TMEM117: variants seen among roughly 807,000 people sequenced by gnomAD.
The protein encoded by TMEM117 is transmembrane protein 117.
In TMEM117, 27 loss-of-function variants were observed where a neutral mutation model predicts 52.4. The observed-to-expected ratio is 0.51, with a 90% CI of 0.38 to 0.71. The LOEUF is 0.71. Among genes scored for constraint, TMEM117 ranks in the 30% least tolerant of loss-of-function variants. The pLI, the probability that TMEM117 is intolerant of heterozygous loss-of-function variation, is 0.00. For synonymous variants in TMEM117, 215 were observed against 206.3 expected, an observed-to-expected ratio of 1.04 and a Z score of -0.36; for missense variants, 556 against 630.5, an observed-to-expected ratio of 0.88 and a Z score of 1.26.
chr12:43,937,267 G>A (rs1040780915), intron 2 of TMEM117, among the ~76,000 whole-genome samples: 4 of 152,200 alleles, frequency 2.6e-5, no homozygotes, highest in Non-Finnish European at 2.9e-5. Context: ...GGAGCTTTGA[G>A]ATGAAATTTG....
At chr12:44,232,467 A>T (rs1396243184) in intron 5 of TMEM117, among the ~76,000 whole-genome samples, 1 of 151,528 alleles carries the variant, frequency 6.6e-6, no homozygotes, top group East Asian at 1.9e-4. Context: ...CAGTACCAAT[A>T]TCACATTCTC....
chr12:43,940,629 A>G (rs1354703162), intron 2 of TMEM117, among the ~76,000 whole-genome samples: 1 of 151,426 alleles, frequency 6.6e-6, no homozygotes, highest in East Asian at 1.9e-4. Flanking sequence ...GCAACCTCCA[A>G]CTCCCGGGTT....
intron 3 of TMEM117, among the ~76,000 whole-genome samples, chr12:43,974,021 C>T (rs748958277): frequency 6.6e-6 from 1 of 152,150 alleles, no homozygotes; most frequent in Non-Finnish European, 1.5e-5. Context: ...TTACTTGGCT[C>T]TTTCTGCAAA....
chr12:43,859,592 T>C (rs941398581), intron 2 of TMEM117, among the ~76,000 whole-genome samples: 5 of 151,878 alleles, frequency 3.3e-5, no homozygotes, highest in Non-Finnish European at 7.4e-5. Flanking sequence ...CATAGGAAAA[T>C]GCATGCAGGC....
intron 6 of TMEM117, among the ~76,000 whole-genome samples, chr12:44,365,891 T>A (rs1214147506): frequency 2.0e-5 from 3 of 152,036 alleles, no homozygotes; most frequent in Non-Finnish European, 4.4e-5. Context: ...TATTGGAATA[T>A]AGTTCAGGGG....
intron 6 of TMEM117, among the ~76,000 whole-genome samples, chr12:44,305,724 T>G (rs1180054933): frequency 6.6e-6 from 1 of 152,206 alleles, no homozygotes; most frequent in East Asian, 1.9e-4. Flanking sequence ...TGTAAATTGT[T>G]CAACCACTGT....
chr12:44,072,387 C>A (rs1489487548), intron 3 of TMEM117, among the ~76,000 whole-genome samples: 11 of 152,180 alleles, frequency 7.2e-5, no homozygotes, highest in Non-Finnish European at 8.8e-5. Context: ...CCGTTCCTCT[C>A]TCTCTGCCTG....
upstream of TMEM117, among the ~76,000 whole-genome samples, chr12:43,831,182 T>C (rs756709879): frequency 6.6e-6 from 1 of 152,230 alleles, no homozygotes; most frequent in Non-Finnish European, 1.5e-5. Flanking sequence ...TTCTTGCCTC[T>C]TTGGCAATAA....
At chr12:43,856,579 A>G (rs1408575046) in intron 2 of TMEM117, among the ~76,000 whole-genome samples, 2 of 152,182 alleles carry the variant, frequency 1.3e-5, no homozygotes, top group Admixed American at 6.5e-5. Flanking sequence ...ATTAGTTTGC[A>G]TTGTCTAGAA....
At position 44,030,197 on chromosome 12, in the gene TMEM117, C is replaced by CA. The variant is rs780159611; in HGVS notation, c.410+85860dup. The stretch of plus-strand genomic sequence containing the variant: ...ATTATTGGTAAAATAAAAATATCTT[C>CA]AAAAATGTAAACATTTGGTCTAAGT... On this transcript the variant is annotated intron_variant, in intron 3 of 7. Transcript: ENST00000266534. Among the ~76,000 whole-genome samples, 6 of 152,124 alleles carry CA rather than the reference C, an allele frequency of 3.9e-5. No homozygotes were observed. The East Asian group carries it at 1.2e-3, about 29-fold the overall frequency.
chr12:43,936,594 T>G (rs977356832), intron 2 of TMEM117, among the ~76,000 whole-genome samples: 3 of 152,064 alleles, frequency 2.0e-5, no homozygotes, highest in African/African-American at 7.2e-5. Context: ...ATGGGGTAAT[T>G]GGAAGAAGGG....
intron 5 of TMEM117, among the ~76,000 whole-genome samples, chr12:44,292,240 T>C (rs776045345): frequency 1.1e-4 from 16 of 152,070 alleles, no homozygotes; most frequent in Non-Finnish European, 2.1e-4. Context: ...TCCAATTTGT[T>C]GGAATATTAT....
At chr12:43,958,419 T>C (rs1300317695) in intron 3 of TMEM117, among the ~76,000 whole-genome samples, 2 of 152,156 alleles carry the variant, frequency 1.3e-5, no homozygotes, top group Non-Finnish European at 2.9e-5. Flanking sequence ...TTCCAGAGAA[T>C]CAATTACCAA....
intron 4 of TMEM117, among the ~76,000 whole-genome samples, chr12:44,179,737 C>A (rs1170961585): frequency 6.6e-6 from 1 of 152,216 alleles, no homozygotes. Context: ...CCTGGGCATC[C>A]CTCAATCCAG....
chr12:44,243,098 G>A (rs1950084299), intron 5 of TMEM117, among the ~76,000 whole-genome samples: 1 of 151,522 alleles, frequency 6.6e-6, no homozygotes, highest in Non-Finnish European at 1.5e-5. Context: ...TTCTTAATGG[G>A]GTTGTTTGTT....
At chr12:44,019,341 C>T (rs1372234641) in intron 3 of TMEM117, among the ~76,000 whole-genome samples, 1 of 151,948 alleles carries the variant, frequency 6.6e-6, no homozygotes, top group Non-Finnish European at 1.5e-5. Flanking sequence ...CCCCAGGAGA[C>T]CCATTGTAGT....
chr12:43,930,954 A>G (rs1056288627), intron 2 of TMEM117, among the ~76,000 whole-genome samples: 1 of 152,186 alleles, frequency 6.6e-6, no homozygotes, highest in African/African-American at 2.4e-5. Context: ...CAGCTATTTC[A>G]TATGTCAGAG....
At chr12:43,949,032 T>C (rs1346714398) in intron 3 of TMEM117, among the ~76,000 whole-genome samples, 1 of 152,118 alleles carries the variant, frequency 6.6e-6, no homozygotes, top group East Asian at 1.9e-4. Context: ...GATCCCGCAA[T>C]GGGCTACAGT....
chr12:44,079,103 C>T (rs1276730205), intron 3 of TMEM117, among the ~76,000 whole-genome samples: 1 of 152,056 alleles, frequency 6.6e-6, no homozygotes, highest in Non-Finnish European at 1.5e-5. Flanking sequence ...TTTCCTTATC[C>T]AGCCTATCAT....
Sources: gnomAD v4.1 joint callset for allele counts (sites outside exome capture counted in the v4.1 genomes callset) on GRCh38, gnomAD v4.1.1 for gene constraint, MANE v1.5 for transcripts, NCBI Gene and HGNC (gene_info 2026-07-23, HGNC 2026-07-21) for gene names.